TANC2: variants seen among roughly 807,000 people sequenced by gnomAD.
TANC2 encodes protein TANC2.
Under a neutral mutation model 210.5 loss-of-function variants are expected in TANC2, and 26 were observed. The ratio of observed to expected loss-of-function variants is 0.12; its 90% CI spans 0.09 to 0.17. The LOEUF (loss-of-function observed/expected upper bound fraction) is 0.17. TANC2 is among the 10% of genes least tolerant of loss of function. The pLI is 1.00. For missense variants in TANC2, 2,129 were observed against 2,608.9 expected (o/e 0.82, Z 4.01); for synonymous variants, 931 against 967.1 (o/e 0.96, Z 0.69).
At chr17:63,244,174 G>A (rs980042552) in intron 8 of TANC2, among the ~76,000 whole-genome samples, 2 of 152,148 alleles carry the variant, frequency 1.3e-5, no homozygotes, top group Non-Finnish European at 2.9e-5. Flanking sequence ...TAGTAAGCAG[G>A]CGGGTCATTT....
At chr17:63,116,271 A>G (rs1286190226) in intron 4 of TANC2, among the ~76,000 whole-genome samples, 2 of 152,240 alleles carry the variant, frequency 1.3e-5, no homozygotes, top group African/African-American at 4.8e-5. Context: ...TGCACCAGTC[A>G]TCTCAGAGCA....
At chr17:63,068,411 T>C (rs1444321856) in intron 2 of TANC2, among the ~76,000 whole-genome samples, 1 of 152,156 alleles carries the variant, frequency 6.6e-6, no homozygotes, top group Non-Finnish European at 1.5e-5. Context: ...ATGGAGTTTT[T>C]GCATTATATT....
intron 2 of TANC2, among the ~76,000 whole-genome samples, chr17:63,011,538 A>AT (rs145388303): frequency 0.017 from 2,597 of 152,000 alleles, 78 homozygotes; most frequent in African/African-American, 0.059. Flanking sequence ...ATGATTGTGA[A>AT]TTTTTTTTAT....
chr17:63,238,113 T>A (rs757023193), intron 8 of TANC2, 36 bp downstream of exon 8: 1 of 1,502,022 alleles, frequency 6.7e-7, no homozygotes, highest in African/African-American at 1.4e-5. Flanking sequence ...GTTGCTGTTG[T>A]TAAATAATCA....
chr17:63,004,039 A>T (rs1447947300), intron 1 of TANC2, among the ~76,000 whole-genome samples: 1 of 152,234 alleles, frequency 6.6e-6, no homozygotes, highest in African/African-American at 2.4e-5. Context: ...ACCAAAAATC[A>T]GAAAGCCACT....
At chr17:63,064,656 T>C (rs2036129910) in intron 2 of TANC2, among the ~76,000 whole-genome samples, 2 of 152,184 alleles carry the variant, frequency 1.3e-5, no homozygotes, top group South Asian at 2.1e-4. Flanking sequence ...TTTTTAAATA[T>C]ATTCCTTTTC....
At chr17:63,331,093 T>A (rs1240360183) in intron 11 of TANC2, among the ~76,000 whole-genome samples, 1 of 152,180 alleles carries the variant, frequency 6.6e-6, no homozygotes, top group Non-Finnish European at 1.5e-5. Flanking sequence ...TAATAATGTA[T>A]CTGGGGTGTG....
chr17:63,333,905 G>A (rs1185563490), intron 11 of TANC2: 2 of 152,184 alleles, frequency 1.3e-5, no homozygotes, highest in Non-Finnish European at 1.5e-5. Flanking sequence ...TAACAATAAA[G>A]TATTTTTAAA....
intron 9 of TANC2, among the ~76,000 whole-genome samples, chr17:63,285,094 C>G (rs1210315086): frequency 1.3e-5 from 2 of 151,984 alleles, no homozygotes; most frequent in African/African-American, 4.8e-5. Context: ...TTGTCCATAC[C>G]TTTAATTTTA....
At chr17:63,030,449 A>G (rs763955862) in intron 2 of TANC2, among the ~76,000 whole-genome samples, 21 of 152,234 alleles carry the variant, frequency 1.4e-4, no homozygotes, top group Middle Eastern at 6.8e-3. Flanking sequence ...TTGTCCTTAC[A>G]TAGCTGCAAG....
At chr17:63,334,088 G>A (rs2045947235) in intron 11 of TANC2, 1 of 152,156 alleles carries the variant, frequency 6.6e-6, no homozygotes, top group African/African-American at 2.4e-5. Flanking sequence ...TCCAAGGTAT[G>A]CCTTTATACG....
At chr17:62,973,488 C>T (rs932680597) in intron 1 of TANC2, among the ~76,000 whole-genome samples, 2 of 152,180 alleles carry the variant, frequency 1.3e-5, no homozygotes, top group African/African-American at 4.8e-5. Context: ...ACCGTTATCT[C>T]AGTTATGCCT....
At chr17:63,048,119 G>C (rs2035448764) in intron 2 of TANC2, among the ~76,000 whole-genome samples, 1 of 152,056 alleles carries the variant, frequency 6.6e-6, no homozygotes, top group Non-Finnish European at 1.5e-5. Flanking sequence ...CCTGCTTTAG[G>C]AGAAGATTAA....
chr17:63,286,087 T>TA (rs1394738331), intron 9 of TANC2, among the ~76,000 whole-genome samples: 1 of 152,216 alleles, frequency 6.6e-6, no homozygotes, highest in African/African-American at 2.4e-5. Context: ...ACATTTTACT[T>TA]ATATAAATGT....
intron 2 of TANC2, among the ~76,000 whole-genome samples, chr17:63,040,961 A>G (rs190209924): frequency 6.6e-6 from 1 of 152,294 alleles, no homozygotes; most frequent in East Asian, 1.9e-4. Context: ...CTGAGCTTAG[A>G]AATGTATAAT....
chr17:63,198,340 A>G (rs1460432259), intron 6 of TANC2, among the ~76,000 whole-genome samples: 1 of 152,056 alleles, frequency 6.6e-6, no homozygotes, highest in Non-Finnish European at 1.5e-5. Flanking sequence ...GAGTAGAGGC[A>G]TGCACCACCA....
chr17:63,296,371 T>G (rs1277113634), intron 9 of TANC2, among the ~76,000 whole-genome samples: 1 of 151,172 alleles, frequency 6.6e-6, no homozygotes, highest in East Asian at 2.0e-4. Flanking sequence ...TTGCAAAAAT[T>G]GTTTGGAAAA....
At position 63,351,516 on chromosome 17, in the gene TANC2, C is replaced by T. The variant is rs573372677; in HGVS notation, c.1974+100C>T. ...TAGTTTCATAAACTTCTACTATGTC[C>T]TAGAGCATTATGAAGAATAATTCCC... On this transcript the variant is annotated intron_variant, in intron 13 of 27. Transcript: ENST00000689528. The T allele has an allele frequency of 2.5e-5, 22 of 875,460 alleles. 1 individual carries two copies. In the East Asian group the frequency reaches 3.5e-4, roughly 14 times the overall value. The allele number at this position is 875,460 out of a possible 1,614,324, so 54.2% of individuals were successfully genotyped here.
chr17:63,001,300 A>G (rs1440233411), intron 1 of TANC2, among the ~76,000 whole-genome samples: 1 of 152,106 alleles, frequency 6.6e-6, no homozygotes, highest in Non-Finnish European at 1.5e-5. Context: ...TCCCTGGTAC[A>G]CATTCATTCT....
Sources: allele counts gnomAD v4.1 joint callset (sites outside exome capture counted in the v4.1 genomes callset), GRCh38; gene constraint gnomAD v4.1.1; transcripts MANE v1.5; gene names NCBI Gene and HGNC (gene_info 2026-07-23, HGNC 2026-07-21).